Variants in NAALADL2 observed in about 807,000 individuals in gnomAD.
NAALADL2 encodes N-acetylated alpha-linked acidic dipeptidase like 2.
Under a neutral mutation model 87.2 loss-of-function variants are expected in NAALADL2, and 76 were observed. That is an observed-to-expected ratio of 0.87 (90% CI 0.72 to 1.05). The LOEUF (loss-of-function observed/expected upper bound fraction) is 1.05, where lower values mean the gene tolerates loss of function less well. NAALADL2 is among the 50% of genes least tolerant of loss of function. The pLI, the probability that NAALADL2 is intolerant of heterozygous loss-of-function variation, is 0.00. For synonymous variants in NAALADL2, 354 were observed against 331.0 expected (o/e 1.07, Z -0.75); for missense variants, 1,089 against 945.8 (o/e 1.15, Z -1.99).
At chr3:174,543,442 C>T (rs1340399507) in intron 1 of NAALADL2, among the ~76,000 whole-genome samples, 1 of 152,116 alleles carries the variant, frequency 6.6e-6, no homozygotes, top group Non-Finnish European at 1.5e-5. Flanking sequence ...AATTAGCAAT[C>T]AGGTTAAATT....
At chr3:174,905,163 G>A (rs1241728102) in intron 1 of NAALADL2, among the ~76,000 whole-genome samples, 1 of 151,204 alleles carries the variant, frequency 6.6e-6, no homozygotes, top group African/African-American at 2.4e-5. Context: ...TTACCATAAA[G>A]CTATCTAATT....
At chr3:175,078,496 C>G (rs779730584) in intron 1 of NAALADL2, among the ~76,000 whole-genome samples, 2 of 152,108 alleles carry the variant, frequency 1.3e-5, no homozygotes, top group East Asian at 3.9e-4. Flanking sequence ...TATTCAGTTA[C>G]AAAACCATCA....
chr3:175,643,254 T>A (rs182886879), intron 11 of NAALADL2, among the ~76,000 whole-genome samples: 1 of 152,190 alleles, frequency 6.6e-6, no homozygotes, highest in Admixed American at 6.5e-5. Context: ...TATACCAAAA[T>A]TTGTTTACCT....
chr3:175,302,507 T>C (rs1757206399), intron 4 of NAALADL2, among the ~76,000 whole-genome samples: 2 of 152,132 alleles, frequency 1.3e-5, no homozygotes, highest in African/African-American at 4.8e-5. Flanking sequence ...TTCGAGGAAA[T>C]GCAAATAGTA....
intron 13 of NAALADL2, among the ~76,000 whole-genome samples, chr3:175,791,657 A>G (rs1013817870): frequency 6.6e-6 from 1 of 152,088 alleles, no homozygotes; most frequent in Non-Finnish European, 1.5e-5. Context: ...CTATAATGGG[A>G]TCTTGGAAAT....
chr3:175,606,400 T>G lies in NAALADL2; in HGVS notation c.1801-20891T>G, dbSNP rs1460849074. On this transcript the variant is annotated intron_variant, in intron 10 of 13. Coordinates refer to ENST00000454872, the MANE Select transcript of NAALADL2 (RefSeq NM_207015.3). ...AGAGAAACTAGCCTTTTTTTTTTTG[T>G]ATATGAAAACGCCTTTGCTGCTGCG... Among the ~76,000 whole-genome samples, 20 of 149,628 alleles carry G rather than the reference T, an allele frequency of 1.3e-4. No homozygotes were observed. The Admixed American group carries it at 1.3e-3, about 10-fold the overall frequency.
intron 2 of NAALADL2, among the ~76,000 whole-genome samples, chr3:175,120,078 T>C (rs1310391441): frequency 6.6e-6 from 1 of 151,320 alleles, no homozygotes; most frequent in African/African-American, 2.4e-5. Flanking sequence ...GGTATTTAGA[T>C]GTACCGTCAA....
At position 175,698,403 on chromosome 3, in the gene NAALADL2, G is replaced by GTATATATGTATATA. The variant is rs1328535241; in HGVS notation, c.1897-38900_1897-38899insATATGTATATATAT. Among the ~76,000 whole-genome samples, 2 of 74,250 alleles carry GTATATATGTATATA rather than the reference G, an allele frequency of 2.7e-5. 1 individual carries two copies. The highest frequency in any genetic ancestry group is 2.3e-4 in the African/African-American group (2 of 8,870). 48.7% of individuals were successfully genotyped at this position (74,250 alleles called of 152,430 possible). A position where few individuals can be genotyped will look rare whatever the true frequency, so the allele number is the denominator to read the frequency against. ...TTTATGTATGTATACATATGTATGT[G>GTATATATGTATATA]TATTTATGTATGTATACATATGTAT... On this transcript the variant is annotated intron_variant, in intron 11 of 13. Coordinates refer to ENST00000454872, the MANE Select transcript of NAALADL2 (RefSeq NM_207015.3).
intron 2 of NAALADL2, among the ~76,000 whole-genome samples, chr3:175,119,887 C>CATATATATATAT (rs10688417): frequency 7.0e-6 from 1 of 143,134 alleles, no homozygotes. Flanking sequence ...TATATATATA[C>CATATATATATAT]ATATATATAT....
chr3:175,355,170 G>C (rs1169541616), intron 5 of NAALADL2, among the ~76,000 whole-genome samples: 2 of 151,528 alleles, frequency 1.3e-5, no homozygotes, highest in East Asian at 3.9e-4. Context: ...CTGGGTTCAA[G>C]CGATTCTCCT....
chr3:174,714,038 C>A (rs1000862723), intron 2 of NAALADL2, among the ~76,000 whole-genome samples: 8 of 152,256 alleles, frequency 5.3e-5, no homozygotes, highest in African/African-American at 1.9e-4. Context: ...GTTTTCCCAG[C>A]ACCATTTATT....
chr3:174,564,997 A>G (rs1480233067), intron 2 of NAALADL2, among the ~76,000 whole-genome samples: 1 of 152,066 alleles, frequency 6.6e-6, no homozygotes, highest in Non-Finnish European at 1.5e-5. Flanking sequence ...TATAGAGGGT[A>G]TATGCAAATT....
chr3:174,620,089 G>A (rs886520135), intron 2 of NAALADL2, among the ~76,000 whole-genome samples: 5 of 152,020 alleles, frequency 3.3e-5, no homozygotes, highest in African/African-American at 1.2e-4. Flanking sequence ...CCGATCCACA[G>A]GTAACTGTTT....
At chr3:175,788,591 G>C (rs2108274981) in intron 13 of NAALADL2, among the ~76,000 whole-genome samples, 1 of 152,190 alleles carries the variant, frequency 6.6e-6, no homozygotes, top group Non-Finnish European at 1.5e-5. Flanking sequence ...GTCTATGTTT[G>C]GGTAAGTACA....
At chr3:174,788,160 C>T (rs773169622) in intron 3 of NAALADL2, among the ~76,000 whole-genome samples, 7 of 152,102 alleles carry the variant, frequency 4.6e-5, no homozygotes, top group Non-Finnish European at 1.0e-4. Context: ...ATAGGCTCTT[C>T]CTTTAACATC....
intron 11 of NAALADL2, among the ~76,000 whole-genome samples, chr3:175,730,929 C>G (rs1227035123): frequency 1.3e-5 from 2 of 151,922 alleles, no homozygotes; most frequent in Non-Finnish European, 1.5e-5. Flanking sequence ...CACAGGTATG[C>G]AAATATCATA....
At chr3:174,898,179 A>G (rs374191058) in intron 1 of NAALADL2, among the ~76,000 whole-genome samples, 2 of 149,138 alleles carry the variant, frequency 1.3e-5, no homozygotes, top group East Asian at 3.9e-4. Flanking sequence ...TTGCAATAAC[A>G]TGGGCAGAAT....
At chr3:175,292,053 A>G (rs1755703225) in intron 4 of NAALADL2, among the ~76,000 whole-genome samples, 1 of 152,206 alleles carries the variant, frequency 6.6e-6, no homozygotes, top group Admixed American at 6.5e-5. Flanking sequence ...ATGCCATTTG[A>G]AAAACAGAAT....
At chr3:174,792,306 G>A (rs1265410194) in intron 3 of NAALADL2, among the ~76,000 whole-genome samples, 5 of 151,818 alleles carry the variant, frequency 3.3e-5, no homozygotes. Context: ...GAGGGAGGCA[G>A]GCAGGGAAGG....
Sources: gnomAD v4.1 joint callset for allele counts (sites outside exome capture counted in the v4.1 genomes callset) on GRCh38, gnomAD v4.1.1 for gene constraint, MANE v1.5 for transcripts, NCBI Gene and HGNC (gene_info 2026-07-23, HGNC 2026-07-21) for gene names.